COMP: variants seen among roughly 807,000 people sequenced by gnomAD.
COMP encodes cartilage oligomeric matrix protein (pseudoachondroplasia, epiphyseal dysplasia 1, multiple).
Under a neutral mutation model 95.8 loss-of-function variants are expected in COMP, and 79 were observed. That is an observed-to-expected ratio of 0.82 (90% CI 0.69 to 0.99). The LOEUF is 0.99. COMP is among the 50% of genes least tolerant of loss of function. COMP has a pLI of 0.00. For missense variants in COMP, 906 were observed against 1,076.1 expected (o/e 0.84, Z 2.21); for synonymous variants, 438 against 433.9 (o/e 1.01, Z -0.12).
At chr19:18,790,149 A>G in intron 3 of COMP, 35 bp from the exon 4 acceptor site, 1 of 1,477,646 alleles carries the variant, frequency 6.8e-7, no homozygotes, top group Non-Finnish European at 9.0e-7. Flanking sequence ...GGCGGGGCTG[A>G]TCGGTGGCTC....
At position 18,786,407 on chromosome 19, in the gene COMP, G is replaced by T. The variant is rs2055167619; in HGVS notation, c.1255-116C>A. On this transcript the variant is annotated intron_variant, in intron 11 of 18. Transcript: ENST00000222271. ...GACCCCAAGGAAACCCCCACCGCAG[G>T]CTGCTCGGACCGAGAGGTCATTTCT... The T allele has an allele frequency of 3.2e-6, 5 of 1,553,462 alleles. No individual in the cohort carries two copies. The South Asian group carries it at 3.4e-5, about 10-fold the overall frequency.
intron 10 of COMP, 31 bp downstream of exon 10, chr19:18,787,459 TC>T (rs750873429): frequency 3.6e-5 from 58 of 1,601,398 alleles, no homozygotes; most frequent in Non-Finnish European, 4.7e-5. Context: ...GCCCGCCGCC[TC>T]TCCTCGCCCC....
rs199858161 is a variant in COMP at position 18,788,800 on chromosome 19, A to G, written c.603+39T>C. On this transcript the variant is annotated intron_variant, in intron 6 of 18. Coordinates refer to ENST00000222271, the MANE Select transcript of COMP (RefSeq NM_000095.3). The surrounding 1 kb of genome is among the most constrained non-coding windows in gnomAD (Gnocchi z 4.7). ...GCGCAGGCCGCCCGCCGCTCGCCCC[A>G]CCTCCCGCGATCCTTTCTTCCTCCC... 42 of 1,610,464 alleles carry G rather than the reference A, an allele frequency of 2.6e-5. No individual in the cohort carries two copies. The East Asian group carries it at 8.9e-4, about 34-fold the overall frequency.
rs2055193973 is a variant in COMP, at chr19:18,789,390, G to A, written c.391-93C>T. Reference sequence around the variant, plus strand: ...TGTCTCGGATGTGGAAAGTTCAAGGGCCATATGCCAGTGCTTGGAGCTCTG... The same window carrying A: ...TGTCTCGGATGTGGAAAGTTCAAGGACCATATGCCAGTGCTTGGAGCTCTG... On this transcript the variant is annotated intron_variant, in intron 4 of 18. Coordinates refer to ENST00000222271, the MANE Select transcript of COMP (RefSeq NM_000095.3). This position sits in a 1 kb window ranked among gnomAD's most constrained non-coding sequence, Gnocchi z 6.1. 17 of 1,286,876 alleles carry A rather than the reference G, an allele frequency of 1.3e-5. No individual in the cohort carries two copies. The East Asian group carries it at 4.0e-4, about 30-fold the overall frequency. 79.7% of individuals were successfully genotyped at this position (1,286,876 alleles called of 1,614,324 possible).
At position 18,789,247 on chromosome 19, in the gene COMP, C is replaced by G. The variant is rs773412062; in HGVS notation, c.441G>C (p.Pro147=). 167 of 1,525,166 alleles carry G rather than the reference C, an allele frequency of 1.1e-4. No individual in the cohort carries two copies. The highest frequency in any genetic ancestry group is 1.3e-4 in the Non-Finnish European group (150 of 1,143,822). The allele number at this position is 1,525,166 out of a possible 1,614,324, so 94.5% of individuals were successfully genotyped here. Residue 147 remains proline (P), a synonymous_variant, in exon 5 of 19, where the codon CCG becomes CCC. Transcript: ENST00000222271. This position sits in a 1 kb window ranked among gnomAD's most constrained non-coding sequence, Gnocchi z 6.1. ...FPRVRCINTS[P]GFRCEACPPG... is the part of the protein sequence containing the mutation. Reference sequence around the variant, plus strand: ...GCGGGCAAGCCTCGCAGCGGAACCCCGGGCTGGTGTTGATACAGCGGACTC... The same window carrying G: ...GCGGGCAAGCCTCGCAGCGGAACCCGGGGCTGGTGTTGATACAGCGGACTC...
chr19:18,788,555 C>T lies in COMP; in HGVS notation c.762+37G>A. 1 of 1,554,098 alleles carries T rather than the reference C, an allele frequency of 6.4e-7. No homozygotes were observed. ...AGTGGGTGCCCTGGAGTGGCCGCCA[C>T]CCAACCCCGCCTCAAGCCCAGCCCG... On this transcript the variant is annotated intron_variant, in intron 7 of 18. Coordinates refer to ENST00000222271, the MANE Select transcript of COMP (RefSeq NM_000095.3). The surrounding 1 kb of genome is among the most constrained non-coding windows in gnomAD (Gnocchi z 4.7).
At position 18,787,517 on chromosome 19, in the gene COMP, G is replaced by T. The variant is rs755776825; in HGVS notation, c.1109C>A (p.Ala370Glu). The T allele has an allele frequency of 1.2e-6, 2 of 1,613,342 alleles. No individual in the cohort carries two copies. The highest frequency in any genetic ancestry group is 1.7e-6 in the Non-Finnish European group (2 of 1,179,994). ...KDTDQDGRGDACDDDIDGDRI... is the reference protein window; with the variant it reads ...KDTDQDGRGDECDDDIDGDRI... Reference sequence around the variant, plus strand: ...GTCGCCGTCGATGTCGTCGTCGCACGCATCGCCCCGGCCGTCCTGGTCTGT... The same window carrying T: ...GTCGCCGTCGATGTCGTCGTCGCACTCATCGCCCCGGCCGTCCTGGTCTGT... Residue 370 changes from alanine (A) to glutamate (E), a missense_variant, in exon 10 of 19, where the codon GCG becomes GAG. Ala to Glu is a moderately radical substitution (Grantham distance 107). Transcript: ENST00000222271.
rs2055182798 is a variant in COMP at position 18,788,066 on chromosome 19, G to T, written c.975+146C>A. ...TTACAGGCGTGCACCACCACGCCCCGCTAATTTTTGTATTTTTAGTAGAGG... is the reference window on the plus strand; with the variant it reads ...TTACAGGCGTGCACCACCACGCCCCTCTAATTTTTGTATTTTTAGTAGAGG... On this transcript the variant is annotated intron_variant, in intron 9 of 18. Transcript: ENST00000222271. This position sits in a 1 kb window ranked among gnomAD's most constrained non-coding sequence, Gnocchi z 4.7. 1 of 720,600 alleles carries T rather than the reference G, an allele frequency of 1.4e-6. No individual in the cohort carries two copies. The highest frequency in any genetic ancestry group is 2.1e-5 in the Admixed American group (1 of 46,858). The allele number at this position is 720,600 out of a possible 1,614,324, so 44.6% of individuals were successfully genotyped here. A position where few individuals can be genotyped will look rare whatever the true frequency, so the allele number is the denominator to read the frequency against.
In COMP at chr19:18,782,976, C is replaced by A; in HGVS notation, c.2228-15G>T. 6.2e-7 allele frequency: 1 copy of A among 1,612,572 alleles called. No homozygotes were observed. Among genetic ancestry groups the A allele is most frequent in the East Asian group, 2.2e-5 (1 of 44,874 alleles). On this transcript the variant is annotated splice_polypyrimidine_tract_variant and intron_variant, in intron 18 of 18. Transcript: ENST00000222271. ...TGGGATGGTGTCTGCAGGGAGAGGG[C>A]AGGCGGGTGAGGGCTGAGAAGGCCA...
Position 18,788,687 on chromosome 19 carries a change from G to T in COMP, c.667C>A (p.Arg223=), listed in dbSNP as rs1447413008. Reference sequence around the variant, plus strand: ...TCGGGGCAGAAGCGCTGTGCGCGCCGCTGGCAGCCGGACGCCTGGTCGCCC... The same window carrying T: ...TCGGGGCAGAAGCGCTGTGCGCGCCTCTGGCAGCCGGACGCCTGGTCGCCC... The part of the protein sequence containing the change: ...FVGDQASGCQ[R]RAQRFCPDGS... The change falls in exon 7 of 19, where the codon CGG becomes AGG. Residue 223 remains arginine (R), a synonymous_variant. Transcript: ENST00000222271. This position sits in a 1 kb window ranked among gnomAD's most constrained non-coding sequence, Gnocchi z 4.7. 6.5e-7 allele frequency: 1 copy of T among 1,541,404 alleles called. No individual in the cohort carries two copies. Among genetic ancestry groups the T allele is most frequent in the East Asian group, 2.5e-5 (1 of 40,728 alleles).
rs912245437 is a variant in COMP, at chr19:18,790,259, G to A, written c.218-145C>T. The A allele has an allele frequency of 1.1e-5, 7 of 662,984 alleles. No individual in the cohort carries two copies. In the East Asian group the frequency reaches 1.2e-4, roughly 11 times the overall value. The allele number at this position is 662,984 out of a possible 1,614,324, so 41.1% of individuals were successfully genotyped here. A position where few individuals can be genotyped will look rare whatever the true frequency, so the allele number is the denominator to read the frequency against. On this transcript the variant is annotated intron_variant, in intron 3 of 18. Coordinates refer to ENST00000222271, the MANE Select transcript of COMP (RefSeq NM_000095.3). ...GGCGGCCCGAAATCCTGCGCTGTCC[G>A]CGATCCCGCCCCAGAGGCTGCGCGC...
rs1436487350 is a variant in COMP, at chr19:18,789,914, G to A, written c.390+28C>T. The A allele has an allele frequency of 6.3e-7, 1 of 1,594,706 alleles. No homozygotes were observed. Among genetic ancestry groups the A allele is most frequent in the South Asian group, 1.1e-5 (1 of 90,482 alleles). ...TGGGGGGCGGTAGAGGGAGTCGTCA[G>A]GGCGGTGGAGTGTCGGGGCTAGCGC... On this transcript the variant is annotated intron_variant, in intron 4 of 18. Coordinates refer to ENST00000222271, the MANE Select transcript of COMP (RefSeq NM_000095.3). The surrounding 1 kb of genome is among the most constrained non-coding windows in gnomAD (Gnocchi z 6.1).
Position 18,785,361 on chromosome 19 carries a change from C to T in COMP, c.1717+137G>A. The T allele has an allele frequency of 1.7e-6, 2 of 1,162,900 alleles. 1 individual carries two copies. Among genetic ancestry groups the T allele is most frequent in the Non-Finnish European group, 2.5e-6 (2 of 791,478 alleles). The allele number at this position is 1,162,900 out of a possible 1,614,324, so 72.0% of individuals were successfully genotyped here. A position where few individuals can be genotyped will look rare whatever the true frequency, so the allele number is the denominator to read the frequency against. ...CCCGGGCCCGCCCATATAACCCCGC[C>T]CCTCTGTCCCCGCCCTTCCTGAGCC... On this transcript the variant is annotated intron_variant, in intron 15 of 18. Coordinates refer to ENST00000222271, the MANE Select transcript of COMP (RefSeq NM_000095.3).
chr19:18,787,543 G>C lies in COMP; in HGVS notation c.1083C>G (p.Asp361Glu). 1 of 1,613,982 alleles carries C rather than the reference G, an allele frequency of 6.2e-7. No homozygotes were observed. Among genetic ancestry groups the C allele is most frequent in the African/African-American group, 1.3e-5 (1 of 75,034 alleles). ...CRSQKNDDQK[D>E]TDQDGRGDAC... ...CATCGCCCCGGCCGTCCTGGTCTGT[G>C]TCCTTTTGGTCGTCGTTCTTCTGGG... Residue 361 changes from aspartate to glutamate, a missense_variant, in exon 10 of 19, where the codon GAC becomes GAG. By Grantham distance (45) the Asp-to-Glu change is conservative. Coordinates refer to ENST00000222271, the MANE Select transcript of COMP (RefSeq NM_000095.3).
rs1304919412 is a variant in COMP at position 18,788,216 on chromosome 19, T to C, written c.971A>G (p.Glu324Gly). 24 of 1,612,696 alleles carry C rather than the reference T, an allele frequency of 1.5e-5. No homozygotes were observed. Among genetic ancestry groups the C allele is most frequent in the Non-Finnish European group, 1.9e-5 (22 of 1,179,732 alleles). The change falls in exon 9 of 19, where the codon GAA becomes GGA. Residue 324 changes from glutamate to glycine, a missense_variant. By Grantham distance (98) the Glu-to-Gly change is moderately conservative. Transcript: ENST00000222271. The surrounding 1 kb of genome is among the most constrained non-coding windows in gnomAD (Gnocchi z 4.7). ...PDADGDGVPN[E>G]KDNCPLVRNP... is the part of the protein sequence containing the mutation. ...CGTGCCGAGCCGTAGATCTACCTTTTCATTGGGGACCCCGTCCCCGTCGGC... is the reference window on the plus strand; with the variant it reads ...CGTGCCGAGCCGTAGATCTACCTTTCCATTGGGGACCCCGTCCCCGTCGGC...
chr19:18,785,392 C>T, intron 15 of COMP, 106 bp downstream of exon 15: 1 of 1,478,672 alleles, frequency 6.8e-7, no homozygotes, highest in Non-Finnish European at 9.3e-7. Flanking sequence ...GAGCCCGGGC[C>T]AGCCCCCTTC....
chr19:18,791,132 A>C, intron 1 of COMP, 59 bp downstream of exon 1: 1 of 1,540,696 alleles, frequency 6.5e-7, no homozygotes. Context: ...CGGGCCTCTC[A>C]CGGGTCCTAC....
Position 18,784,230 on chromosome 19 carries a change from C to T in COMP, c.2048G>A (p.Arg683His), listed in dbSNP as rs565459602. ...TTGGGGCCGGTGCTGCAGGAACCAA[C>T]GATAGGACTTCTTGTCCTTCCAACC... The part of the protein sequence containing the change: ...NVGWKDKKSY[R>H]WFLQHRPQVG... Residue 683 changes from arginine to histidine, a missense_variant, in exon 17 of 19, where the codon CGT becomes CAT. Transcript: ENST00000222271. This position sits in a 1 kb window ranked among gnomAD's most constrained non-coding sequence, Gnocchi z 4.9. 15 of 1,614,068 alleles carry T rather than the reference C, an allele frequency of 9.3e-6. No individual in the cohort carries two copies. Among genetic ancestry groups the T allele is most frequent in the South Asian group, 3.3e-5 (3 of 91,084 alleles).
In COMP at chr19:18,786,056, A is replaced by G; in HGVS notation, c.1398T>C (p.Asp466=). The G allele has an allele frequency of 6.2e-7, 1 of 1,613,898 alleles. No homozygotes were observed. Among genetic ancestry groups the G allele is most frequent in the Non-Finnish European group, 8.5e-7 (1 of 1,180,036 alleles). ...QEDSDHDGQG[D]ACDDDDDNDG... ...CATTGTCGTCGTCGTCGTCGCAGGC[A>G]TCACCCTGGCCATCGTGGTCTGAGT... The change falls in exon 13 of 19, where the codon GAT becomes GAC. Residue 466 remains aspartate, a synonymous_variant. Coordinates refer to ENST00000222271, the MANE Select transcript of COMP (RefSeq NM_000095.3).
Sources: allele counts gnomAD v4.1 joint callset, GRCh38; gene constraint gnomAD v4.1.1; non-coding constraint Gnocchi (gnomAD v3.1); transcripts MANE v1.5; gene names NCBI Gene and HGNC (gene_info 2026-07-23, HGNC 2026-07-21).